RARA: variants seen among roughly 807,000 people sequenced by gnomAD.
The protein encoded by RARA is retinoic acid receptor alpha.
Under a neutral mutation model 42.8 loss-of-function variants are expected in RARA, and 5 were observed. The ratio of observed to expected loss-of-function variants is 0.12; its 90% confidence interval spans 0.06 to 0.25. The LOEUF (loss-of-function observed/expected upper bound fraction) is 0.25, where lower values mean the gene tolerates loss of function less well. RARA is among the 10% of genes least tolerant of loss of function. The pLI is 1.00. For synonymous variants in RARA, 256 were observed against 259.5 expected (o/e 0.99, Z 0.13); for missense variants, 402 against 628.7 (o/e 0.64, Z 3.86).
At chr17:40,325,252 AAAATAAATAAATAAAT>A (rs10689341) in intron 1 of RARA, among the ~76,000 whole-genome samples, 21 of 141,608 alleles carry the variant, frequency 1.5e-4, no homozygotes, top group African/African-American at 3.2e-4. Context: ...CTCCATCTCA[AAAATAAATAAATAAAT>A]AAATAAATAA....
chr17:40,314,760 G>T (rs2033159690), intron 1 of RARA, among the ~76,000 whole-genome samples: 3 of 151,990 alleles, frequency 2.0e-5, no homozygotes, highest in African/African-American at 7.3e-5. Context: ...GGCTGGCAAG[G>T]TGCCAGGCTC....
At position 40,355,265 on chromosome 17, in the gene RARA, C is replaced by A; in HGVS notation, c.1015C>A (p.Arg339Ser). The change falls in exon 8 of 9, where the codon CGC (arginine) becomes AGC (serine). Residue 339 changes from arginine (R) to serine (S), a missense_variant and splice_region_variant. Coordinates refer to ENST00000254066, the MANE Select transcript of RARA (RefSeq NM_000964.4). The surrounding 1 kb of genome is among the most constrained non-coding windows in gnomAD (Gnocchi z 4.1). ...LSAICLICGD[R>S]QDLEQPDRVD... ...AGGGGGTGGTTCTGCTTCCTCAGAC[C>A]GCCAGGACCTGGAGCAGCCGGACCG... The A allele has an allele frequency of 6.4e-7, 1 of 1,570,262 alleles. No individual in the cohort carries two copies. The highest frequency in any genetic ancestry group is 8.6e-7 in the Non-Finnish European group (1 of 1,157,012).
chr17:40,353,148 TG>T (rs1412613198), intron 6 of RARA, among the ~76,000 whole-genome samples: 1 of 151,996 alleles, frequency 6.6e-6, no homozygotes, highest in Non-Finnish European at 1.5e-5. Context: ...TCTAGGGGTT[TG>T]TAGAGGGGGA....
intron 2 of RARA, among the ~76,000 whole-genome samples, chr17:40,337,280 TG>T (rs943370424): frequency 1.3e-5 from 2 of 152,132 alleles, no homozygotes; most frequent in Non-Finnish European, 2.9e-5. Context: ...GTGGGAAGTG[TG>T]GGGGGTGGGG....
At chr17:40,329,323 TG>T (rs2033630040) in intron 1 of RARA, among the ~76,000 whole-genome samples, 1 of 151,738 alleles carries the variant, frequency 6.6e-6, no homozygotes, top group African/African-American at 2.4e-5. Flanking sequence ...TTTTTTTTTT[TG>T]GAGACGGAGT....
intron 2 of RARA, chr17:40,342,760 A>G (rs1249642072): frequency 1.9e-6 from 3 of 1,612,418 alleles, no homozygotes; most frequent in Admixed American, 1.7e-5. Flanking sequence ...CTAGTGGTGG[A>G]TTTTTATAAC....
At chr17:40,337,505 C>T (rs556907407) in intron 2 of RARA, among the ~76,000 whole-genome samples, 2 of 152,116 alleles carry the variant, frequency 1.3e-5, no homozygotes, top group Non-Finnish European at 2.9e-5. Context: ...TCACACCATC[C>T]CCACCCCCAA....
intron 1 of RARA, chr17:40,318,285 C>G (rs929680427): frequency 6.6e-6 from 1 of 152,440 alleles, no homozygotes; most frequent in African/African-American, 2.4e-5. Context: ...CCGCACGTGA[C>G]TCGCTATGGC....
At chr17:40,329,447 C>G (rs2033633178) in intron 1 of RARA, among the ~76,000 whole-genome samples, 1 of 152,112 alleles carries the variant, frequency 6.6e-6, no homozygotes, top group African/African-American at 2.4e-5. Flanking sequence ...GCTGGGATTA[C>G]AGGCACCTGC....
rs367986970 is a variant in RARA, at chr17:40,342,390, C to T, written c.179-5926C>T. The T allele has an allele frequency of 1.7e-5, 19 of 1,122,334 alleles. No homozygotes were observed. The East Asian group carries it at 2.3e-4, about 14-fold the overall frequency. The allele number at this position is 1,122,334 out of a possible 1,614,324, so 69.5% of individuals were successfully genotyped here. On this transcript the variant is annotated intron_variant, in intron 2 of 8. Coordinates refer to ENST00000254066, the MANE Select transcript of RARA (RefSeq NM_000964.4). Reference sequence around the variant, plus strand: ...CCGCTGTACTCTGCCTCGGACGCCACGAGACTCTAGACGGGAGTCCCCTCG... The same window carrying T: ...CCGCTGTACTCTGCCTCGGACGCCATGAGACTCTAGACGGGAGTCCCCTCG...
In RARA at chr17:40,356,173, C is replaced by T. The variant is rs746742357; in HGVS notation, c.1336C>T (p.Pro446Ser). The T allele has an allele frequency of 8.4e-5, 130 of 1,551,166 alleles. 1 individual carries two copies. Among genetic ancestry groups the T allele is most frequent in the Middle Eastern group, 1.7e-4 (1 of 5,976 alleles). ...GGCCCCCCCGCCAGGCAGCTGTAGC[C>T]CCAGCCTCAGCCCCAGCTCCAACAG... ...GLAPPPGSCS[P>S]SLSPSSNRSS... The change falls in exon 9 of 9, where the codon CCC (proline) becomes TCC (serine). Residue 446 changes from proline (P) to serine (S), a missense_variant. By Grantham distance (74) the Pro-to-Ser change is moderately conservative. Around this residue, in one of 5 missense-constraint regions of RARA, gnomAD observed 73 missense variants for 59.8 expected, o/e 1.22. Transcript: ENST00000254066.
chr17:40,333,031 G>A (rs2033742105), intron 2 of RARA, among the ~76,000 whole-genome samples: 1 of 152,110 alleles, frequency 6.6e-6, no homozygotes, highest in African/African-American at 2.4e-5. Context: ...TTCCTGACAG[G>A]GTAGGGTTTT....
chr17:40,318,673 G>T (rs1470853383), intron 1 of RARA, among the ~76,000 whole-genome samples: 6 of 152,262 alleles, frequency 3.9e-5, no homozygotes, highest in African/African-American at 1.4e-4. Flanking sequence ...GCCTTGAGGC[G>T]TCTGGGGCCG....
chr17:40,336,683 C>A (rs190423296), intron 2 of RARA, among the ~76,000 whole-genome samples: 1 of 136,904 alleles, frequency 7.3e-6, no homozygotes, highest in Non-Finnish European at 1.6e-5. Flanking sequence ...CCACCGCGCC[C>A]GGCTTGTTGT....
chr17:40,336,440 G>T (rs904361117), intron 2 of RARA, among the ~76,000 whole-genome samples: 3 of 152,106 alleles, frequency 2.0e-5, no homozygotes, highest in African/African-American at 7.2e-5. Flanking sequence ...TAGCCAGGCT[G>T]GAGTGCAGTG....
intron 2 of RARA, among the ~76,000 whole-genome samples, chr17:40,332,817 A>G (rs1238759200): frequency 5.3e-5 from 8 of 152,082 alleles, no homozygotes; most frequent in Admixed American, 5.2e-4. Flanking sequence ...TCCACCTCAT[A>G]TAGGAGTATG....
chr17:40,330,932 G>A lies in RARA; in HGVS notation c.-287G>A. On this transcript the variant is annotated 5_prime_UTR_variant, in exon 2 of 9. Coordinates refer to ENST00000254066, the MANE Select transcript of RARA (RefSeq NM_000964.4). ...TGGCATCTTTTTTGGTGCCCTGAAG[G>A]CCAGCTCTGGACCTTCCCAGGAAAA... is the stretch of plus-strand genomic sequence containing the variant. 1 of 375,738 alleles carries A rather than the reference G, an allele frequency of 2.7e-6. No individual in the cohort carries two copies. The allele number at this position is 375,738 out of a possible 1,614,324, so 23.3% of individuals were successfully genotyped here. A position where few individuals can be genotyped will look rare whatever the true frequency, so the allele number is the denominator to read the frequency against.
intron 1 of RARA, among the ~76,000 whole-genome samples, chr17:40,325,286 A>T (rs1008920071): frequency 6.6e-6 from 1 of 151,398 alleles, no homozygotes; most frequent in Admixed American, 6.6e-5. Flanking sequence ...TAAATAAATA[A>T]ATAAATAAAT....
Position 40,330,980 on chromosome 17 carries a change from G to T in RARA, c.-239G>T. On this transcript the variant is annotated 5_prime_UTR_variant, in exon 2 of 9. Transcript: ENST00000254066. ...AAAGTGCCAGCTCACAGAACTGCTT[G>T]ACCAAAGGACCGGCTCTTGAGACAT... 1 of 482,020 alleles carries T rather than the reference G, an allele frequency of 2.1e-6. No homozygotes were observed. Among genetic ancestry groups the T allele is most frequent in the Non-Finnish European group, 3.6e-6 (1 of 274,406 alleles). The allele number at this position is 482,020 out of a possible 1,614,324, so 29.9% of individuals were successfully genotyped here. A position where few individuals can be genotyped will look rare whatever the true frequency, so the allele number is the denominator to read the frequency against.
Sources: allele counts gnomAD v4.1 joint callset (sites outside exome capture counted in the v4.1 genomes callset), GRCh38; gene constraint gnomAD v4.1.1; regional missense constraint gnomAD v4.1.1; non-coding constraint Gnocchi (gnomAD v3.1); transcripts MANE v1.5; gene names NCBI Gene and HGNC (gene_info 2026-07-23, HGNC 2026-07-21).